The following SDK1 variants were observed in gnomAD, a reference collection of about 807,000 sequenced individuals.
The protein encoded by SDK1 is sidekick cell adhesion molecule 1.
A neutral mutation model predicts 245.5 loss-of-function variants in SDK1; 157 were observed. That is an observed-to-expected ratio of 0.64 (90% CI 0.56 to 0.73). The LOEUF (loss-of-function observed/expected upper bound fraction) is 0.73. Among genes scored for constraint, SDK1 ranks in the 30% least tolerant of loss-of-function variants. SDK1 has a pLI of 0.00. For missense variants in SDK1, 3,583 were observed against 3,002.3 expected (o/e 1.19, Z -4.52); for synonymous variants, 1,647 against 1,278.5 (o/e 1.29, Z -6.15).
intron 1 of SDK1, among the ~76,000 whole-genome samples, chr7:3,549,384 C>T (rs1218372797): frequency 6.6e-6 from 1 of 152,124 alleles, no homozygotes; most frequent in African/African-American, 2.4e-5. Flanking sequence ...AATAATCTTG[C>T]CAAGTATTTG....
intron 1 of SDK1, among the ~76,000 whole-genome samples, chr7:3,504,271 T>C (rs950278341): frequency 2.7e-4 from 40 of 150,654 alleles, no homozygotes; most frequent in African/African-American, 5.1e-4. Flanking sequence ...TTGTCGTTGT[T>C]GTTGTTGTTG....
At chr7:3,907,943 T>A (rs1227951496) in intron 5 of SDK1, among the ~76,000 whole-genome samples, 1 of 152,188 alleles carries the variant, frequency 6.6e-6, no homozygotes, top group Non-Finnish European at 1.5e-5. Flanking sequence ...TTTAAAAACA[T>A]TGTTTCAAGA....
At chr7:3,553,577 G>A (rs1445748709) in intron 1 of SDK1, among the ~76,000 whole-genome samples, 1 of 152,100 alleles carries the variant, frequency 6.6e-6, no homozygotes, top group Non-Finnish European at 1.5e-5. Flanking sequence ...ATAGTCCAGG[G>A]AGGCTGCTTC....
intron 2 of SDK1, among the ~76,000 whole-genome samples, chr7:3,629,019 G>A (rs888021049): frequency 1.3e-5 from 2 of 151,934 alleles, no homozygotes; most frequent in Non-Finnish European, 2.9e-5. Context: ...CAGGCCAAGC[G>A]CAGTGGCTCA....
Position 3,506,946 on chromosome 7 carries a change from T to G in SDK1, c.299-112134T>G, listed in dbSNP as rs956779712. ...TATATAGTCTAATTTTTCTCTTGGT[T>G]AAGGGCTGCATTTTCCTTTAGAGGG... is the stretch of plus-strand genomic sequence containing the variant. On this transcript the variant is annotated intron_variant, in intron 1 of 44. Transcript: ENST00000404826. 9.8e-5 allele frequency among the ~76,000 whole-genome samples: 15 copies of G among 152,322 alleles called. 1 individual carries two copies. Among genetic ancestry groups the G allele is most frequent in the Admixed American group, 9.8e-4 (15 of 15,298 alleles).
intron 5 of SDK1, among the ~76,000 whole-genome samples, chr7:3,886,082 G>T (rs999257731): frequency 6.6e-6 from 1 of 152,170 alleles, no homozygotes; most frequent in Non-Finnish European, 1.5e-5. Flanking sequence ...TGGTGGCCCC[G>T]CAGAGACCTG....
intron 5 of SDK1, among the ~76,000 whole-genome samples, chr7:3,946,509 G>A (rs1430599040): frequency 1.3e-5 from 2 of 151,870 alleles, no homozygotes; most frequent in Non-Finnish European, 2.9e-5. Context: ...TAGAGACAGG[G>A]TTTTGCCATA....
At chr7:4,060,337 C>G (rs1779458447) in intron 19 of SDK1, among the ~76,000 whole-genome samples, 1 of 152,020 alleles carries the variant, frequency 6.6e-6, no homozygotes, top group Non-Finnish European at 1.5e-5. Context: ...ACAAACCAAA[C>G]CCAAAATTAG....
At chr7:3,660,462 G>C (rs1236488050) in intron 4 of SDK1, among the ~76,000 whole-genome samples, 1 of 151,960 alleles carries the variant, frequency 6.6e-6, no homozygotes, top group Non-Finnish European at 1.5e-5. Flanking sequence ...AAATAGGAGG[G>C]AGACAGAAGT....
chr7:3,715,674 C>T (rs1376116055), intron 4 of SDK1, among the ~76,000 whole-genome samples: 3 of 152,112 alleles, frequency 2.0e-5, no homozygotes, highest in African/African-American at 7.2e-5. Context: ...AGGCAACTGC[C>T]ATCTAAAATA....
chr7:3,362,484 C>T (rs372424583), intron 1 of SDK1, among the ~76,000 whole-genome samples: 1 of 152,040 alleles, frequency 6.6e-6, no homozygotes, highest in Non-Finnish European at 1.5e-5. Flanking sequence ...CTTGGATTTA[C>T]CATATCTAAA....
At chr7:3,739,951 T>C (rs1779430412) in intron 4 of SDK1, among the ~76,000 whole-genome samples, 1 of 152,266 alleles carries the variant, frequency 6.6e-6, no homozygotes, top group South Asian at 2.1e-4. Context: ...AGTGACCTTC[T>C]TAAGATAATT....
intron 5 of SDK1, among the ~76,000 whole-genome samples, chr7:3,883,288 C>T (rs543990951): frequency 6.6e-6 from 1 of 152,286 alleles, no homozygotes; most frequent in East Asian, 1.9e-4. Context: ...AAGCTTAAGG[C>T]CTTGTATATA....
intron 14 of SDK1, among the ~76,000 whole-genome samples, chr7:4,009,317 C>T (rs1206696318): frequency 2.0e-5 from 3 of 152,190 alleles, no homozygotes; most frequent in African/African-American, 7.2e-5. Context: ...TTCTACCAAC[C>T]GAGTCTGGTT....
At chr7:3,974,798 T>C (rs1483616821) in intron 13 of SDK1, 1 of 421,554 alleles carries the variant, frequency 2.4e-6, no homozygotes, top group Non-Finnish European at 4.3e-6. Context: ...TTGATCCTTT[T>C]TGTCATATTT....
intron 5 of SDK1, among the ~76,000 whole-genome samples, chr7:3,880,823 C>G (rs1781191633): frequency 6.6e-6 from 1 of 152,098 alleles, no homozygotes; most frequent in African/African-American, 2.4e-5. Context: ...TGGTTATGAA[C>G]TGTGATCTGA....
chr7:4,199,092 G>C (rs1783745390), intron 35 of SDK1, among the ~76,000 whole-genome samples: 1 of 152,188 alleles, frequency 6.6e-6, no homozygotes, highest in East Asian at 1.9e-4. Flanking sequence ...TGGGATTACA[G>C]GTGTGAGCCA....
rs143516784 is a variant in SDK1, at chr7:3,574,884, A to G, written c.299-44196A>G. 1.0e-3 allele frequency among the ~76,000 whole-genome samples: 156 copies of G among 152,208 alleles called. 3 individuals carry two copies. In the East Asian group the frequency reaches 0.024, roughly 23 times the overall value. ...AAGTACCAATTTTACAAATTACACGAAAGGCATTTTCTCTGAGTTGTAGAA... is the reference window on the plus strand; with the variant it reads ...AAGTACCAATTTTACAAATTACACGGAAGGCATTTTCTCTGAGTTGTAGAA... On this transcript the variant is annotated intron_variant, in intron 1 of 44. Coordinates refer to ENST00000404826, the MANE Select transcript of SDK1 (RefSeq NM_152744.4).
chr7:3,571,477 A>AT (rs1283525165), intron 1 of SDK1, among the ~76,000 whole-genome samples: 4 of 151,636 alleles, frequency 2.6e-5, no homozygotes, highest in African/African-American at 4.8e-5. Flanking sequence ...TAATTTAAAA[A>AT]TTTTTTTTGT....
Sources: allele counts gnomAD v4.1 joint callset (sites outside exome capture counted in the v4.1 genomes callset), GRCh38; gene constraint gnomAD v4.1.1; transcripts MANE v1.5; gene names NCBI Gene and HGNC (gene_info 2026-07-23, HGNC 2026-07-21).